MOB1A: variants seen among roughly 807,000 people sequenced by gnomAD.
MOB1A encodes MOB kinase activator 1A.
MOB1A carries 10 observed loss-of-function variants against 25.1 expected under a neutral mutation model. That is an observed-to-expected ratio of 0.40 (90% CI 0.25 to 0.68). The LOEUF (loss-of-function observed/expected upper bound fraction) is 0.68, where lower values mean the gene tolerates loss of function less well. MOB1A is among the 30% of genes least tolerant of loss of function. The pLI, the probability that MOB1A is intolerant of heterozygous loss-of-function variation, is 0.40. For synonymous variants in MOB1A, 81 were observed against 79.5 expected, an observed-to-expected ratio of 1.02 and a Z score of -0.10; for missense variants, 177 against 256.3, an observed-to-expected ratio of 0.69 and a Z score of 2.11.
At position 74,172,712 on chromosome 2, in the gene MOB1A, T is replaced by C. The variant is rs1572965395; in HGVS notation, c.55A>G (p.Ile19Val). 2 of 1,613,916 alleles carry C rather than the reference T, an allele frequency of 1.2e-6. No individual in the cohort carries two copies. The highest frequency in any genetic ancestry group is 8.5e-7 in the Non-Finnish European group (1 of 1,179,880). The change falls in exon 2 of 6, where the codon ATC becomes GTC. Residue 19 changes from isoleucine (I) to valine (V), a missense_variant. Coordinates refer to ENST00000396049, the MANE Select transcript of MOB1A (RefSeq NM_018221.5). ...SSKTFKPKKN[I>V]PEGSHQYELL... Reference sequence around the variant, plus strand: ...TCATACTGATGAGATCCTTCAGGGATATTCTTCTTTGGTTTGAATGTTTTA... The same window carrying C: ...TCATACTGATGAGATCCTTCAGGGACATTCTTCTTTGGTTTGAATGTTTTA...
chr2:74,171,096 A>G (rs987535201), intron 2 of MOB1A, among the ~76,000 whole-genome samples: 52 of 152,014 alleles, frequency 3.4e-4, no homozygotes, highest in African/African-American at 1.2e-3. Flanking sequence ...CCTGGCCAAC[A>G]TGGCAAAACC....
At chr2:74,163,790 G>A (rs1045610100) in intron 4 of MOB1A, among the ~76,000 whole-genome samples, 1 of 152,056 alleles carries the variant, frequency 6.6e-6, no homozygotes, top group Non-Finnish European at 1.5e-5. Context: ...AATTTTACAA[G>A]AGAAAATAAA....
intron 2 of MOB1A, among the ~76,000 whole-genome samples, chr2:74,169,081 C>T (rs1032936117): frequency 2.0e-5 from 3 of 152,152 alleles, no homozygotes; most frequent in African/African-American, 7.2e-5. Flanking sequence ...TTAAGCCAGA[C>T]ATTAAATAAG....
Position 74,152,818 on chromosome 2 carries a change from A to C in MOB1A, c.*3750T>G, listed in dbSNP as rs1223350871. 1.3e-5 allele frequency: 2 copies of C among 152,238 alleles called. No individual in the cohort carries two copies. The highest frequency in any genetic ancestry group is 2.9e-5 in the Non-Finnish European group (2 of 68,040). 9.4% of individuals were successfully genotyped at this position (152,238 alleles called of 1,614,324 possible). A position where few individuals can be genotyped will look rare whatever the true frequency, so the allele number is the denominator to read the frequency against. On this transcript the variant is annotated 3_prime_UTR_variant, in exon 6 of 6. Transcript: ENST00000396049. ...ATGTAGAATAGAATGCTGTTCTATA[A>C]TAAGAAGTCTGTAGCACACTGGTAA...
chr2:74,165,359 G>A lies in MOB1A; in HGVS notation c.276-8C>T. ...GCCCAGTGATATTCATATCTGAAGA[G>A]AAAAATGTTTTACTGATAAATTTTT... On this transcript the variant is annotated splice_polypyrimidine_tract_variant and splice_region_variant and intron_variant, in intron 3 of 5. Transcript: ENST00000396049. 6.8e-7 allele frequency: 1 copy of A among 1,475,182 alleles called. No homozygotes were observed. Among genetic ancestry groups the A allele is most frequent in the Non-Finnish European group, 9.0e-7 (1 of 1,107,674 alleles). The allele number at this position is 1,475,182 out of a possible 1,614,324, so 91.4% of individuals were successfully genotyped here.
At chr2:74,170,389 G>A (rs997433189) in intron 2 of MOB1A, among the ~76,000 whole-genome samples, 2 of 150,906 alleles carry the variant, frequency 1.3e-5, no homozygotes, top group Non-Finnish European at 3.0e-5. Flanking sequence ...CGCCTGCCTC[G>A]GCCTCCCAAA....
chr2:74,167,814 C>A (rs1477286521), intron 2 of MOB1A, among the ~76,000 whole-genome samples: 5 of 152,060 alleles, frequency 3.3e-5, no homozygotes, highest in Non-Finnish European at 5.9e-5. Flanking sequence ...CTCTAGCTAA[C>A]AGAAAGGACA....
chr2:74,162,516 A>G (rs1411830377), intron 4 of MOB1A, among the ~76,000 whole-genome samples: 1 of 152,198 alleles, frequency 6.6e-6, no homozygotes, highest in East Asian at 1.9e-4. Flanking sequence ...ATAAATCAAA[A>G]GAATTATTTA....
rs1176866324 is a variant in MOB1A at position 74,153,947 on chromosome 2, G to C, written c.*2621C>G. On this transcript the variant is annotated 3_prime_UTR_variant, in exon 6 of 6. Transcript: ENST00000396049. ...GAGGCTGAGGCGGGCGGATTGCGAG[G>C]TAAGGAGATGGAGACCATCCTGGCT... 6.6e-6 allele frequency: 1 copy of C among 152,234 alleles called. No individual in the cohort carries two copies. Among genetic ancestry groups the C allele is most frequent in the East Asian group, 1.9e-4 (1 of 5,186 alleles). The allele number at this position is 152,234 out of a possible 1,614,324, so 9.4% of individuals were successfully genotyped here. A position where few individuals can be genotyped will look rare whatever the true frequency, so the allele number is the denominator to read the frequency against.
At chr2:74,170,116 A>G (rs563849096) in intron 2 of MOB1A, among the ~76,000 whole-genome samples, 34 of 148,246 alleles carry the variant, frequency 2.3e-4, no homozygotes, top group African/African-American at 8.0e-4. Context: ...TAATCTGAAT[A>G]AAGTTTTGTT....
intron 1 of MOB1A, among the ~76,000 whole-genome samples, chr2:74,174,037 G>A (rs1558839315): frequency 6.7e-6 from 1 of 150,230 alleles, no homozygotes; most frequent in Non-Finnish European, 1.5e-5. Context: ...GGGAGGCCGA[G>A]GCAGTGGATC....
intron 4 of MOB1A, among the ~76,000 whole-genome samples, chr2:74,160,740 A>G (rs1486035003): frequency 6.6e-6 from 1 of 151,854 alleles, no homozygotes; most frequent in East Asian, 1.9e-4. Context: ...CAACGGGGGT[A>G]GAGTTTGGTA....
chr2:74,172,405 C>T (rs1283822487), intron 2 of MOB1A, among the ~76,000 whole-genome samples, 181 bp downstream of exon 2: 1 of 152,210 alleles, frequency 6.6e-6, no homozygotes, highest in Non-Finnish European at 1.5e-5. Context: ...TACTCAACCT[C>T]ACAAACTACC....
At chr2:74,172,541 G>C (rs1693322917) in intron 2 of MOB1A, 45 bp downstream of exon 2, 1 of 1,569,472 alleles carries the variant, frequency 6.4e-7, no homozygotes, top group Non-Finnish European at 8.6e-7. Context: ...AGAGATTTTA[G>C]CAAAACCTTT....
In MOB1A at chr2:74,153,741, T is replaced by C. The variant is rs1275510517; in HGVS notation, c.*2827A>G. 2 of 152,164 alleles carry C rather than the reference T, an allele frequency of 1.3e-5. No individual in the cohort carries two copies. Among genetic ancestry groups the C allele is most frequent in the Admixed American group, 6.5e-5 (1 of 15,270 alleles). The allele number at this position is 152,164 out of a possible 1,614,324, so 9.4% of individuals were successfully genotyped here. A position where few individuals can be genotyped will look rare whatever the true frequency, so the allele number is the denominator to read the frequency against. On this transcript the variant is annotated 3_prime_UTR_variant, in exon 6 of 6. Coordinates refer to ENST00000396049, the MANE Select transcript of MOB1A (RefSeq NM_018221.5). Reference sequence around the variant, plus strand: ...ACTCTCTACCCCATGACTGTAATCATGTATGAAGAGCAGAGATCAGACACT... The same window carrying C: ...ACTCTCTACCCCATGACTGTAATCACGTATGAAGAGCAGAGATCAGACACT...
At position 74,178,754 on chromosome 2, in the gene MOB1A, CGT is replaced by C; in HGVS notation, c.-82_-81del. 1.5e-6 allele frequency: 1 copy of C among 645,374 alleles called. No individual in the cohort carries two copies. The highest frequency in any genetic ancestry group is 2.2e-6 in the Non-Finnish European group (1 of 461,794). The allele number at this position is 645,374 out of a possible 1,614,324, so 40.0% of individuals were successfully genotyped here. ...TCGGAGCTGGCTAGAGGGAGCGGAC[CGT>C]CCTTAGCTCACGGGCAGCGGAAGCC... On this transcript the variant is annotated 5_prime_UTR_variant, in exon 1 of 6. Coordinates refer to ENST00000396049, the MANE Select transcript of MOB1A (RefSeq NM_018221.5).
rs1433697160 is a variant in MOB1A, at chr2:74,167,085, G to A, written c.204C>T (p.Ile68=). The change falls in exon 3 of 6, where the codon ATC becomes ATT. Residue 68 remains isoleucine (I), a synonymous_variant. Transcript: ENST00000396049. ...CTGTAATAGTTCCATATAACATGTT[G>A]ATCTGGTTAAAGAAATCCACAGCTG... The part of the protein sequence containing the change: ...AVNTVDFFNQ[I]NMLYGTITEF... The A allele has an allele frequency of 6.2e-7, 1 of 1,613,688 alleles. No individual in the cohort carries two copies. Among genetic ancestry groups the A allele is most frequent in the Non-Finnish European group, 8.5e-7 (1 of 1,179,678 alleles).
chr2:74,175,868 G>C (rs963926576), intron 1 of MOB1A, among the ~76,000 whole-genome samples: 1 of 152,042 alleles, frequency 6.6e-6, no homozygotes, highest in Non-Finnish European at 1.5e-5. Flanking sequence ...CAAAACTGGT[G>C]ATTACTTCTA....
At chr2:74,160,630 G>A (rs533584255) in intron 4 of MOB1A, among the ~76,000 whole-genome samples, 393 of 152,260 alleles carry the variant, frequency 2.6e-3, no homozygotes, top group African/African-American at 9.0e-3. Context: ...AACCCGGGAG[G>A]TGGAGGTTGC....
Sources: allele counts gnomAD v4.1 joint callset (sites outside exome capture counted in the v4.1 genomes callset), GRCh38; gene constraint gnomAD v4.1.1; transcripts MANE v1.5; gene names NCBI Gene and HGNC (gene_info 2026-07-23, HGNC 2026-07-21).